Variants in SSBP2 observed in about 807,000 individuals in gnomAD.
SSBP2 encodes the protein single stranded DNA binding protein 2.
In SSBP2, 17 loss-of-function variants were observed where a neutral mutation model predicts 61.8. That is an observed-to-expected ratio of 0.28 (90% CI 0.19 to 0.41). The LOEUF is 0.41. Among genes scored for constraint, SSBP2 ranks in the 10% least tolerant of loss-of-function variants. The probability of loss-of-function intolerance (pLI) is 1.00; values close to 1 mark genes in which losing one functional copy is unlikely to be tolerated. For missense variants in SSBP2, 310 were observed against 458.7 expected, an observed-to-expected ratio of 0.68 and a Z score of 2.96; for synonymous variants, 139 against 141.3, an observed-to-expected ratio of 0.98 and a Z score of 0.12.
chr5:81,750,628 T>G (rs1581479826), intron 1 of SSBP2: 2 of 159,238 alleles, frequency 1.3e-5, no homozygotes, highest in South Asian at 1.9e-4. Context: ...GCTCCCCAGG[T>G]CCCCGGAGCC....
At chr5:81,534,557 T>C (rs1770665946) in intron 4 of SSBP2, among the ~76,000 whole-genome samples, 1 of 152,058 alleles carries the variant, frequency 6.6e-6, no homozygotes, top group Non-Finnish European at 1.5e-5. Flanking sequence ...AAAACACTGT[T>C]ACACAAATAA....
In SSBP2 at chr5:81,659,753, T is replaced by C. The variant is rs565222975; in HGVS notation, c.63-9414A>G. Among the ~76,000 whole-genome samples the C allele has an allele frequency of 2.0e-4, 31 of 152,282 alleles. No individual in the cohort carries two copies. The South Asian group carries it at 5.6e-3, about 28-fold the overall frequency. On this transcript the variant is annotated intron_variant, in intron 1 of 16. Coordinates refer to ENST00000320672, the MANE Select transcript of SSBP2 (RefSeq NM_012446.5). ...ACTAAGCTGGAGGCATCATGCTACC[T>C]GACTTCAAACTATACTATAACGCTA...
chr5:81,652,978 T>C (rs576088070), intron 1 of SSBP2, among the ~76,000 whole-genome samples: 1 of 151,274 alleles, frequency 6.6e-6, no homozygotes, highest in East Asian at 2.0e-4. Flanking sequence ...AGTTCTGGGA[T>C]ACATGTGCGG....
chr5:81,479,016 C>T (rs1257514376), intron 6 of SSBP2, among the ~76,000 whole-genome samples: 1 of 152,150 alleles, frequency 6.6e-6, no homozygotes. Context: ...AATTGGTTTT[C>T]AAAATGAGTG....
At chr5:81,523,147 G>A (rs1339518057) in intron 4 of SSBP2, among the ~76,000 whole-genome samples, 1 of 151,998 alleles carries the variant, frequency 6.6e-6, no homozygotes, top group South Asian at 2.1e-4. Flanking sequence ...TGAAACATGG[G>A]AAGTCTGATA....
At chr5:81,432,952 C>A (rs1396264982) in intron 15 of SSBP2, among the ~76,000 whole-genome samples, 3 of 144,316 alleles carry the variant, frequency 2.1e-5, no homozygotes, top group African/African-American at 8.0e-5. Context: ...CAGCCCCCCG[C>A]CCAGCCAGCC....
chr5:81,692,319 TA>T (rs1373788762), intron 1 of SSBP2, among the ~76,000 whole-genome samples: 1 of 151,792 alleles, frequency 6.6e-6, no homozygotes, highest in East Asian at 1.9e-4. Context: ...ATCTCTGCAA[TA>T]AAAACTATAA....
intron 1 of SSBP2, among the ~76,000 whole-genome samples, chr5:81,699,460 A>T (rs1456306307): frequency 6.6e-6 from 1 of 152,258 alleles, no homozygotes; most frequent in African/African-American, 2.4e-5. Context: ...TGTTCACAGC[A>T]TCTTCACCAG....
At chr5:81,611,116 T>G (rs1340369972) in intron 4 of SSBP2, among the ~76,000 whole-genome samples, 1 of 152,234 alleles carries the variant, frequency 6.6e-6, no homozygotes, top group Non-Finnish European at 1.5e-5. Flanking sequence ...TATCTCATAG[T>G]ATACATTCCA....
At chr5:81,578,158 T>G (rs1018232338) in intron 4 of SSBP2, among the ~76,000 whole-genome samples, 1 of 152,090 alleles carries the variant, frequency 6.6e-6, no homozygotes, top group Non-Finnish European at 1.5e-5. Flanking sequence ...ATTATTCACA[T>G]AGATTCATAT....
intron 6 of SSBP2, among the ~76,000 whole-genome samples, chr5:81,486,300 C>T (rs913092532): frequency 6.6e-6 from 1 of 152,144 alleles, no homozygotes; most frequent in Non-Finnish European, 1.5e-5. Flanking sequence ...TACAATTTTA[C>T]ATTCCCACCA....
chr5:81,600,754 C>T (rs1399911217), intron 4 of SSBP2, among the ~76,000 whole-genome samples: 1 of 151,724 alleles, frequency 6.6e-6, no homozygotes, highest in African/African-American at 2.4e-5. Flanking sequence ...AAAATAAAAA[C>T]CATCTAAAGG....
intron 5 of SSBP2, among the ~76,000 whole-genome samples, chr5:81,497,457 C>T (rs1767375062): frequency 6.6e-6 from 1 of 152,146 alleles, no homozygotes; most frequent in South Asian, 2.1e-4. Context: ...TATAATAAAG[C>T]TTGGTCCTCT....
chr5:81,695,886 A>T (rs1753568761), intron 1 of SSBP2, among the ~76,000 whole-genome samples: 1 of 152,198 alleles, frequency 6.6e-6, no homozygotes, highest in African/African-American at 2.4e-5. Context: ...TCTTGAAAAG[A>T]TTTCAAAGAT....
In SSBP2 at chr5:81,536,175, C is replaced by T. The variant is rs546880643; in HGVS notation, c.283-22458G>A. Among the ~76,000 whole-genome samples the T allele has an allele frequency of 2.8e-3, 428 of 152,094 alleles. 1 individual carries two copies. Among genetic ancestry groups the T allele is most frequent in the Non-Finnish European group, 4.5e-3 (307 of 67,992 alleles). The stretch of plus-strand genomic sequence containing the variant: ...GTTATTGGGGAAATGCAAATTAAAA[C>T]GAGATTCCATTATATGCATATTAGA... On this transcript the variant is annotated intron_variant, in intron 4 of 16. Coordinates refer to ENST00000320672, the MANE Select transcript of SSBP2 (RefSeq NM_012446.5).
chr5:81,643,286 G>T (rs1322785190), intron 2 of SSBP2, among the ~76,000 whole-genome samples: 1 of 152,230 alleles, frequency 6.6e-6, no homozygotes, highest in South Asian at 2.1e-4. Flanking sequence ...GCAGCAGCAG[G>T]TTTGAAGGTG....
chr5:81,567,776 G>T (rs1022653488), intron 4 of SSBP2, among the ~76,000 whole-genome samples: 8 of 152,200 alleles, frequency 5.3e-5, no homozygotes, highest in Non-Finnish European at 8.8e-5. Flanking sequence ...GCATCAGTAT[G>T]ACCTGGATGT....
intron 1 of SSBP2, among the ~76,000 whole-genome samples, chr5:81,674,126 A>C (rs1245838508): frequency 6.6e-5 from 10 of 152,194 alleles, no homozygotes; most frequent in African/African-American, 2.4e-4. Flanking sequence ...AGGATGTATA[A>C]TTCCTGAAGC....
chr5:81,526,263 G>A (rs953037830), intron 4 of SSBP2, among the ~76,000 whole-genome samples: 2 of 152,010 alleles, frequency 1.3e-5, no homozygotes, highest in South Asian at 2.1e-4. Context: ...ATCTGAAACA[G>A]TATGCATCTA....
Sources: allele counts gnomAD v4.1 joint callset (sites outside exome capture counted in the v4.1 genomes callset), GRCh38; gene constraint gnomAD v4.1.1; transcripts MANE v1.5; gene names NCBI Gene and HGNC (gene_info 2026-07-23, HGNC 2026-07-21).